BMAL1: variants seen among roughly 807,000 people sequenced by gnomAD.
The protein encoded by BMAL1 is basic helix-loop-helix ARNT like 1.
chr11:13,372,300 C>T, the BMAL1 span: 3 of 1,614,096 alleles, frequency 1.9e-6, no homozygotes, highest in African/African-American at 2.7e-5. Context: ...AATTGGACGA[C>T]TGCATTCTCA....
the BMAL1 span, among the ~76,000 whole-genome samples, chr11:13,353,989 C>T: frequency 6.6e-6 from 1 of 152,132 alleles, no homozygotes; most frequent in Admixed American, 6.5e-5. Flanking sequence ...TTTAATTTTT[C>T]CACGCCACAG....
At chr11:13,374,054 A>G in the BMAL1 span, 5 of 1,579,088 alleles carry the variant, frequency 3.2e-6, no homozygotes, top group Middle Eastern at 1.7e-4. Context: ...AATCATCTGA[A>G]TGGCTTTTTC....
the BMAL1 span, among the ~76,000 whole-genome samples, chr11:13,290,582 A>ATTATT: frequency 6.6e-6 from 1 of 151,008 alleles, no homozygotes; most frequent in African/African-American, 2.4e-5. Context: ...TATTATTATT[A>ATTATT]TTATTATTAT....
the BMAL1 span, among the ~76,000 whole-genome samples, chr11:13,364,111 C>T: frequency 6.6e-6 from 1 of 152,250 alleles, no homozygotes; most frequent in Non-Finnish European, 1.5e-5. Context: ...CTCAAAAACA[C>T]TTCCATGAGA....
At chr11:13,386,739 T>C in the BMAL1 span, 2 of 1,614,138 alleles carry the variant, frequency 1.2e-6, no homozygotes, top group Non-Finnish European at 1.7e-6. Context: ...CTTTAGTGAC[T>C]TGCCATGGCC....
the BMAL1 span, among the ~76,000 whole-genome samples, chr11:13,352,301 G>C: frequency 6.6e-6 from 1 of 152,170 alleles, no homozygotes; most frequent in African/African-American, 2.4e-5. Context: ...ATGAAGGATT[G>C]CTGGGCGGCA....
chr11:13,378,200 A>G, the BMAL1 span: 1 of 1,212,636 alleles, frequency 8.2e-7, no homozygotes, highest in Non-Finnish European at 1.1e-6. Flanking sequence ...GACAAGCTGT[A>G]GCCCTAAAGT....
At chr11:13,360,959 T>C in the BMAL1 span, among the ~76,000 whole-genome samples, 1 of 152,092 alleles carries the variant, frequency 6.6e-6, no homozygotes, top group Non-Finnish European at 1.5e-5. Context: ...CTATTAAATA[T>C]ATAAAAATTA....
the BMAL1 span, among the ~76,000 whole-genome samples, chr11:13,287,563 C>CT: frequency 6.6e-6 from 1 of 152,208 alleles, no homozygotes; most frequent in Non-Finnish European, 1.5e-5. Context: ...GTGAATTCAG[C>CT]TTTGGATAAA....
chr11:13,371,496 C>G, the BMAL1 span, among the ~76,000 whole-genome samples: 1 of 152,204 alleles, frequency 6.6e-6, no homozygotes, highest in Non-Finnish European at 1.5e-5. Context: ...GTATTATAGC[C>G]ACTGGCCCCT....
the BMAL1 span, among the ~76,000 whole-genome samples, chr11:13,361,221 G>GA: frequency 6.6e-6 from 1 of 152,184 alleles, no homozygotes; most frequent in Non-Finnish European, 1.5e-5. Context: ...TCTCTGCTGG[G>GA]AGATGGTTGA....
chr11:13,292,448 G>A, the BMAL1 span, among the ~76,000 whole-genome samples: 12 of 151,908 alleles, frequency 7.9e-5, no homozygotes, highest in African/African-American at 2.7e-4. Flanking sequence ...TCGGGAGGCT[G>A]AGGCAGGAGA....
the BMAL1 span, among the ~76,000 whole-genome samples, chr11:13,351,701 G>A: frequency 6.6e-6 from 1 of 152,168 alleles, no homozygotes; most frequent in East Asian, 1.9e-4. Flanking sequence ...TGAGAAGGGG[G>A]ATCTCCCAAG....
the BMAL1 span, chr11:13,354,505 T>C: frequency 2.5e-6 from 4 of 1,586,324 alleles, no homozygotes; most frequent in Non-Finnish European, 3.4e-6. Context: ...TTCTCGGGCA[T>C]GGAACATCTA....
the BMAL1 span, chr11:13,356,179 C>G: frequency 1.1e-5 from 5 of 438,424 alleles, no homozygotes; most frequent in South Asian, 8.2e-5. Flanking sequence ...CTAGGGGTTC[C>G]CACCTACCTG....
At chr11:13,322,196 G>C in the BMAL1 span, among the ~76,000 whole-genome samples, 2,339 of 152,282 alleles carry the variant, frequency 0.015, 57 homozygotes, top group African/African-American at 0.054. Flanking sequence ...TGTCCAGATT[G>C]AATGAGAAGG....
At chr11:13,301,652 T>C in the BMAL1 span, among the ~76,000 whole-genome samples, 1 of 151,878 alleles carries the variant, frequency 6.6e-6, no homozygotes, top group Non-Finnish European at 1.5e-5. Flanking sequence ...AAGGCCTGAG[T>C]AGAGGAGATG....
the BMAL1 span, among the ~76,000 whole-genome samples, chr11:13,278,332 G>C: frequency 6.6e-6 from 1 of 152,220 alleles, no homozygotes; most frequent in Admixed American, 6.5e-5. Flanking sequence ...GCCCTTGGGG[G>C]CAGTGACTCG....
the BMAL1 span, chr11:13,378,964 G>A: frequency 6.5e-6 from 1 of 152,744 alleles, no homozygotes; most frequent in Non-Finnish European, 1.5e-5. Flanking sequence ...TAGCTGTCTT[G>A]GGAGAGACTT....
Sources: gnomAD v4.1 joint callset for allele counts (sites outside exome capture counted in the v4.1 genomes callset) on GRCh38, gnomAD v4.1.1 for gene constraint, MANE v1.5 for transcripts, NCBI Gene and HGNC (gene_info 2026-07-23, HGNC 2026-07-21) for gene names.